IQUB: variants seen among roughly 807,000 people sequenced by gnomAD.
The protein encoded by IQUB is IQ motif and ubiquitin-like domain-containing protein.
Under a neutral mutation model 86.4 loss-of-function variants are expected in IQUB, and 86 were observed. The observed-to-expected ratio is 1.00, with a 90% CI of 0.84 to 1.19. The LOEUF (loss-of-function observed/expected upper bound fraction) is 1.19. IQUB is among the 50% of genes most tolerant of loss of function. The pLI is 0.00. For synonymous variants in IQUB, 289 were observed against 304.5 expected (o/e 0.95, Z 0.53); for missense variants, 946 against 916.9 (o/e 1.03, Z -0.41).
intron 10 of IQUB, chr7:123,462,723 G>T: frequency 2.5e-6 from 1 of 399,970 alleles, no homozygotes; most frequent in South Asian, 1.8e-5. Context: ...TGCCTCCTAG[G>T]CATTAAATTA....
rs1176345520 is a variant in IQUB at position 123,503,023 on chromosome 7, ACTC to A, written c.785_787del (p.Gly262del). On this transcript the variant is annotated inframe_deletion, in exon 5 of 13. Coordinates refer to ENST00000324698, the MANE Select transcript of IQUB (RefSeq NM_178827.5). ...TTGTGTTCCAGCATTGTGATACTCT[ACTC>A]CTGTTACTTTATGTCTGAATCCACC... 15 of 1,612,612 alleles carry A rather than the reference ACTC, an allele frequency of 9.3e-6. No homozygotes were observed. The highest frequency in any genetic ancestry group is 1.3e-5 in the Non-Finnish European group (15 of 1,179,102).
intron 1 of IQUB, among the ~76,000 whole-genome samples, chr7:123,513,254 G>T (rs1796507925): frequency 6.6e-6 from 1 of 152,072 alleles, no homozygotes; most frequent in Non-Finnish European, 1.5e-5. Flanking sequence ...GGAAATATCT[G>T]CAATAAAAAT....
chr7:123,457,844 T>G, intron 11 of IQUB: 1 of 291,904 alleles, frequency 3.4e-6, no homozygotes, highest in Non-Finnish European at 6.3e-6. Flanking sequence ...TTAATAATAC[T>G]ATAATGTTAC....
chr7:123,533,539 C>T (rs1584674093), intron 1 of IQUB, among the ~76,000 whole-genome samples: 1 of 152,150 alleles, frequency 6.6e-6, no homozygotes, highest in African/African-American at 2.4e-5. Flanking sequence ...AATCTTTTTG[C>T]TTATGAGAGT....
chr7:123,503,201 C>T lies in IQUB; in HGVS notation c.694+1G>A. 2 of 1,608,576 alleles carry T rather than the reference C, an allele frequency of 1.2e-6. No homozygotes were observed. Among genetic ancestry groups the T allele is most frequent in the Non-Finnish European group, 1.7e-6 (2 of 1,178,042 alleles). Reference sequence around the variant, plus strand: ...TATCTAAAAGACATCAAATAACGAACCAGTTTGGACAGTGACAGTTATGAT... The same window carrying T: ...TATCTAAAAGACATCAAATAACGAATCAGTTTGGACAGTGACAGTTATGAT... On this transcript the variant is annotated splice_donor_variant, in intron 4 of 12. Coordinates refer to ENST00000324698, the MANE Select transcript of IQUB (RefSeq NM_178827.5). LOFTEE classifies it high-confidence loss of function.
intron 8 of IQUB, among the ~76,000 whole-genome samples, chr7:123,477,364 G>C (rs1214267989): frequency 6.6e-6 from 1 of 152,178 alleles, no homozygotes; most frequent in Non-Finnish European, 1.5e-5. Flanking sequence ...AATAAATGGT[G>C]CTGGGAAAAC....
chr7:123,468,892 T>G (rs1180641583), intron 9 of IQUB, among the ~76,000 whole-genome samples: 2 of 152,230 alleles, frequency 1.3e-5, no homozygotes, highest in African/African-American at 4.8e-5. Context: ...GGTGCTGCTT[T>G]AAAACTGCTA....
intron 7 of IQUB, among the ~76,000 whole-genome samples, chr7:123,488,291 A>G (rs567184560): frequency 6.6e-6 from 1 of 151,444 alleles, no homozygotes; most frequent in African/African-American, 2.4e-5. Context: ...CAGTGAGCCA[A>G]GATCACACCA....
At chr7:123,476,366 C>T (rs1794744063) in intron 8 of IQUB, among the ~76,000 whole-genome samples, 1 of 152,138 alleles carries the variant, frequency 6.6e-6, no homozygotes, top group Non-Finnish European at 1.5e-5. Context: ...CATGTAAAGG[C>T]ACCCAATGCA....
chr7:123,469,416 G>T, intron 8 of IQUB, 32 bp from the exon 9 acceptor site: 2 of 1,346,710 alleles, frequency 1.5e-6, no homozygotes, highest in Non-Finnish European at 2.0e-6. Flanking sequence ...ATAATTATCA[G>T]TTAATTAGAA....
intron 7 of IQUB, among the ~76,000 whole-genome samples, chr7:123,483,175 C>T (rs1795079642): frequency 6.6e-6 from 1 of 152,024 alleles, no homozygotes; most frequent in Non-Finnish European, 1.5e-5. Context: ...TGGATTCCTC[C>T]CCATAGACAG....
At chr7:123,487,369 A>G (rs972483229) in intron 7 of IQUB, among the ~76,000 whole-genome samples, 4 of 152,232 alleles carry the variant, frequency 2.6e-5, no homozygotes, top group African/African-American at 4.8e-5. Flanking sequence ...GACTCATGGC[A>G]TAAGTCCTAT....
intron 8 of IQUB, among the ~76,000 whole-genome samples, chr7:123,477,203 A>G (rs767167780): frequency 6.6e-6 from 1 of 152,240 alleles, no homozygotes; most frequent in Non-Finnish European, 1.5e-5. Flanking sequence ...ACAAGGCTAC[A>G]GTAACCAAAA....
At position 123,503,066 on chromosome 7, in the gene IQUB, G is replaced by A; in HGVS notation, c.745C>T (p.His249Tyr). The stretch of plus-strand genomic sequence containing the variant: ...CTGAATCCACCAAGAAATGGTTTGT[G>A]AAAGTCAGATTTGACAATCTCAACA... ...VPVEIVKSDF[H>Y]KPFLGGFRHK... The change falls in exon 5 of 13, where the codon CAC becomes TAC. Residue 249 changes from histidine to tyrosine, a missense_variant. Physicochemically the swap from His to Tyr is moderately conservative, Grantham distance 83 (BLOSUM62 2). Transcript: ENST00000324698. The A allele has an allele frequency of 6.2e-7, 1 of 1,613,446 alleles. No homozygotes were observed. The highest frequency in any genetic ancestry group is 8.5e-7 in the Non-Finnish European group (1 of 1,179,694).
chr7:123,512,442 AC>A (rs1796462949), intron 1 of IQUB, 98 bp from the exon 2 acceptor site: 1 of 630,136 alleles, frequency 1.6e-6, no homozygotes, highest in South Asian at 4.2e-5. Flanking sequence ...ATAATATTCA[AC>A]TAAAATGTTG....
chr7:123,497,938 C>A, intron 6 of IQUB, among the ~76,000 whole-genome samples: 1 of 151,746 alleles, frequency 6.6e-6, no homozygotes, highest in South Asian at 2.1e-4. Context: ...ATGGTCTGAG[C>A]AGAGTGGCCA....
At chr7:123,500,359 CA>C (rs1562859766) in intron 6 of IQUB, among the ~76,000 whole-genome samples, 1 of 150,584 alleles carries the variant, frequency 6.6e-6, no homozygotes, top group Non-Finnish European at 1.5e-5. Flanking sequence ...TATGAAAGAA[CA>C]AAAAAAGAAA....
intron 8 of IQUB, among the ~76,000 whole-genome samples, chr7:123,471,782 A>G (rs538726224): frequency 3.9e-5 from 6 of 152,320 alleles, no homozygotes; most frequent in African/African-American, 1.4e-4. Context: ...CTATAGTTTG[A>G]AACAATTATA....
At chr7:123,472,340 TTTCA>T (rs1303058166) in intron 8 of IQUB, among the ~76,000 whole-genome samples, 1 of 152,180 alleles carries the variant, frequency 6.6e-6, no homozygotes, top group Non-Finnish European at 1.5e-5. Flanking sequence ...TACAATACTC[TTTCA>T]TTCATTCAAC....
Sources: gnomAD v4.1 joint callset for allele counts (sites outside exome capture counted in the v4.1 genomes callset) on GRCh38, gnomAD v4.1.1 for gene constraint, MANE v1.5 for transcripts, NCBI Gene and HGNC (gene_info 2026-07-23, HGNC 2026-07-21) for gene names.